LARS1: variants seen among roughly 807,000 people sequenced by gnomAD.
The protein encoded by LARS1 is leucine--tRNA ligase, cytoplasmic.
A neutral mutation model predicts 162.8 loss-of-function variants in LARS1; 100 were observed. The observed-to-expected ratio is 0.61, with a 90% confidence interval of 0.52 to 0.73. LARS1 has a LOEUF of 0.73. Among genes scored for constraint, LARS1 ranks in the 30% least tolerant of loss-of-function variants. The pLI is 0.00. For missense variants in LARS1, 1,258 were observed against 1,408.9 expected, an observed-to-expected ratio of 0.89 and a Z score of 1.71; for synonymous variants, 457 against 462.8, an observed-to-expected ratio of 0.99 and a Z score of 0.16.
rs113015845 is a variant in LARS1, at chr5:146,114,505, G to A, written c.3326-194C>T. 0.032 allele frequency among the ~76,000 whole-genome samples: 4,918 copies of A among 152,076 alleles called. 271 individuals carry two copies. Among genetic ancestry groups the A allele is most frequent in the African/African-American group, 0.11 (4,557 of 41,454 alleles). On this transcript the variant is annotated intron_variant, in intron 31 of 31. Coordinates refer to ENST00000394434, the MANE Select transcript of LARS1 (RefSeq NM_020117.11). ...TCCCAGCACTTTGGAAGGCTGAGGCGGGTGAATCACTTGAGGACAGGAGTT... is the reference window on the plus strand; with the variant it reads ...TCCCAGCACTTTGGAAGGCTGAGGCAGGTGAATCACTTGAGGACAGGAGTT...
At position 146,182,650 on chromosome 5, in the gene LARS1, T is replaced by A; in HGVS notation, c.-157A>T. The A allele has an allele frequency of 1.0e-6, 1 of 999,380 alleles. No homozygotes were observed. The allele number at this position is 999,380 out of a possible 1,614,324, so 61.9% of individuals were successfully genotyped here. On this transcript the variant is annotated 5_prime_UTR_variant, in exon 1 of 32. Coordinates refer to ENST00000394434, the MANE Select transcript of LARS1 (RefSeq NM_020117.11). ...CTGAGGCAATCATCCGGCTCCTTAC[T>A]AACTACAGCCAAGGCATCTCACAGC...
chr5:146,145,406 T>G (rs980029953), intron 15 of LARS1, among the ~76,000 whole-genome samples: 10 of 148,988 alleles, frequency 6.7e-5, no homozygotes, highest in Non-Finnish European at 1.3e-4. Flanking sequence ...ATCCTTCTTA[T>G]AAACTACTGC....
chr5:146,136,380 AATGAGTT>A (rs1171411406), intron 21 of LARS1, among the ~76,000 whole-genome samples: 3 of 152,230 alleles, frequency 2.0e-5, no homozygotes, highest in African/African-American at 7.2e-5. Context: ...ACAAAGAAGA[AATGAGTT>A]CAATAATCAA....
intron 27 of LARS1, among the ~76,000 whole-genome samples, chr5:146,127,645 A>G (rs988989166): frequency 6.6e-6 from 1 of 152,084 alleles, no homozygotes; most frequent in African/African-American, 2.4e-5. Flanking sequence ...AGGTAGTTTC[A>G]CTTTTGTGCC....
At chr5:146,152,251 C>T (rs995373966) in intron 13 of LARS1, among the ~76,000 whole-genome samples, 1 of 152,114 alleles carries the variant, frequency 6.6e-6, no homozygotes, top group African/African-American at 2.4e-5. Context: ...CCACACACAC[C>T]TTTCCCAACA....
At chr5:146,174,376 C>G (rs1258887791) in intron 2 of LARS1, among the ~76,000 whole-genome samples, 1 of 141,258 alleles carries the variant, frequency 7.1e-6, no homozygotes, top group African/African-American at 2.6e-5. Context: ...ACACGGGAGT[C>G]GGAGGTTGCG....
chr5:146,131,068 T>C lies in LARS1; in HGVS notation c.2438A>G (p.Glu813Gly), dbSNP rs1394369244. 1.9e-6 allele frequency: 3 copies of C among 1,597,856 alleles called. No homozygotes were observed. Among genetic ancestry groups the C allele is most frequent in the Non-Finnish European group, 2.6e-6 (3 of 1,170,036 alleles). Reference sequence around the variant, plus strand: ...CAAAGCTTCTTTAAACATCATCTTTTCATAGTTTTGATCTGTTTTTATAAT... The same window carrying C: ...CAAAGCTTCTTTAAACATCATCTTTCCATAGTTTTGATCTGTTTTTATAAT... Reference protein sequence around the residue: ...AGIIKTDQNYEKMMFKEALKT... With the variant: ...AGIIKTDQNYGKMMFKEALKT... Residue 813 changes from glutamate (E) to glycine (G), a missense_variant, in exon 24 of 32, where the codon GAA becomes GGA. Coordinates refer to ENST00000394434, the MANE Select transcript of LARS1 (RefSeq NM_020117.11).
At chr5:146,133,874 C>T (rs1409153407) in intron 22 of LARS1, among the ~76,000 whole-genome samples, 1 of 152,122 alleles carries the variant, frequency 6.6e-6, no homozygotes, top group East Asian at 1.9e-4. Context: ...GATGGAGTTT[C>T]GCTCTTGTTG....
intron 4 of LARS1, among the ~76,000 whole-genome samples, chr5:146,171,036 C>T (rs1227669436): frequency 1.3e-5 from 2 of 151,806 alleles, no homozygotes; most frequent in Non-Finnish European, 2.9e-5. Flanking sequence ...TCCACTTTTT[C>T]TGTAGGATTG....
At chr5:146,133,913 C>T (rs1325215527) in intron 22 of LARS1, among the ~76,000 whole-genome samples, 3 of 152,168 alleles carry the variant, frequency 2.0e-5, no homozygotes, top group East Asian at 1.9e-4. Flanking sequence ...GGCGCGATCT[C>T]GGCTCAGTGC....
intron 22 of LARS1, 85 bp downstream of exon 22, chr5:146,135,515 TA>T (rs1396838817): frequency 2.0e-6 from 2 of 1,011,768 alleles, no homozygotes; most frequent in Non-Finnish European, 2.9e-6. Context: ...AAACAGAAAG[TA>T]AAATTAAAAC....
intron 21 of LARS1, among the ~76,000 whole-genome samples, chr5:146,138,586 A>C (rs1475101490): frequency 6.6e-6 from 1 of 151,818 alleles, no homozygotes. Context: ...AAAGTAGCCG[A>C]GTGTGGTGAC....
chr5:146,172,019 CA>C (rs1754305082), intron 3 of LARS1, 29 bp from the exon 4 acceptor site: 4 of 1,534,104 alleles, frequency 2.6e-6, no homozygotes, highest in Non-Finnish European at 3.6e-6. Flanking sequence ...ATTTAAATTG[CA>C]AATTTAAATG....
In LARS1 at chr5:146,157,800, G is replaced by A. The variant is rs376282128; in HGVS notation, c.772-5C>T. On this transcript the variant is annotated splice_region_variant and splice_polypyrimidine_tract_variant and intron_variant, in intron 8 of 31. Transcript: ENST00000394434. ...ATATTCCTGAGGTCCAACACCCTAAGCAAATAAACGATACAAAAATTTGAA... is the reference window on the plus strand; with the variant it reads ...ATATTCCTGAGGTCCAACACCCTAAACAAATAAACGATACAAAAATTTGAA... The A allele has an allele frequency of 1.2e-6, 2 of 1,613,200 alleles. No homozygotes were observed. Among genetic ancestry groups the A allele is most frequent in the South Asian group, 1.1e-5 (1 of 91,046 alleles).
At chr5:146,123,453 T>C (rs1751915109) in intron 29 of LARS1, among the ~76,000 whole-genome samples, 1 of 151,992 alleles carries the variant, frequency 6.6e-6, no homozygotes, top group African/African-American at 2.4e-5. Context: ...GGGATGTTCA[T>C]TTTATTATAA....
rs199763272 is a variant in LARS1 at position 146,153,241 on chromosome 5, T to C, written c.1231-14A>G. ...TGCTCGTAAGGCCTACAGAAAAATT[T>C]GCAAGTTAACACTAATGATCAACAC... On this transcript the variant is annotated splice_polypyrimidine_tract_variant and intron_variant, in intron 12 of 31. Coordinates refer to ENST00000394434, the MANE Select transcript of LARS1 (RefSeq NM_020117.11). 1.0e-4 allele frequency: 160 copies of C among 1,604,368 alleles called. No individual in the cohort carries two copies. In the African/African-American group the frequency reaches 2.0e-3, roughly 21 times the overall value.
chr5:146,116,003 C>T (rs1398567221), intron 31 of LARS1, among the ~76,000 whole-genome samples: 1 of 152,150 alleles, frequency 6.6e-6, no homozygotes, highest in African/African-American at 2.4e-5. Flanking sequence ...TGCATTCTGT[C>T]CTCTTCGGGA....
intron 10 of LARS1, among the ~76,000 whole-genome samples, chr5:146,155,369 G>A (rs186946977): frequency 7.5e-4 from 114 of 152,056 alleles, no homozygotes; most frequent in African/African-American, 2.7e-3. Context: ...AGGAAAGCCT[G>A]GAAACAACTA....
At position 146,131,486 on chromosome 5, in the gene LARS1, G is replaced by GGTTTTTTTTTTTTTT. The variant is rs1561802916; in HGVS notation, c.2397-378_2397-377insAAAAAAAAAAAAAAC. 9.2e-5 allele frequency: 11 copies of GGTTTTTTTTTTTTTT among 119,458 alleles called. 3 individuals carry two copies. The highest frequency in any genetic ancestry group is 1.3e-4 in the Non-Finnish European group (8 of 59,648). The allele number at this position is 119,458 out of a possible 1,614,324, so 7.4% of individuals were successfully genotyped here. The stretch of plus-strand genomic sequence containing the variant: ...ATAGCCTAACTAAGGTTGTAGCCAA[G>GGTTTTTTTTTTTTTT]TTTTTTTTTTTTTTTTTTTTTTTTT... On this transcript the variant is annotated intron_variant, in intron 23 of 31. Coordinates refer to ENST00000394434, the MANE Select transcript of LARS1 (RefSeq NM_020117.11).
Sources: gnomAD v4.1 joint callset for allele counts (sites outside exome capture counted in the v4.1 genomes callset) on GRCh38, gnomAD v4.1.1 for gene constraint, MANE v1.5 for transcripts, NCBI Gene and HGNC (gene_info 2026-07-23, HGNC 2026-07-21) for gene names.